TMOD1: variants seen among roughly 807,000 people sequenced by gnomAD.
The protein encoded by TMOD1 is tropomodulin-1.
TMOD1 carries 17 observed loss-of-function variants against 40.6 expected under a neutral mutation model. The ratio of observed to expected loss-of-function variants is 0.42; its 90% CI spans 0.29 to 0.63. The LOEUF is 0.63. Ranked by LOEUF, TMOD1 falls within the 20% of genes least tolerant of loss-of-function variation. The pLI is 0.22. For missense variants in TMOD1, 391 were observed against 447.6 expected (o/e 0.87, Z 1.14); for synonymous variants, 181 against 175.0 (o/e 1.03, Z -0.27).
chr9:97,564,743 G>A (rs1830700321), intron 6 of TMOD1, among the ~76,000 whole-genome samples: 1 of 152,158 alleles, frequency 6.6e-6, no homozygotes, highest in African/African-American at 2.4e-5. Flanking sequence ...GGGCAGGGGA[G>A]GGACAGGTGG....
At chr9:97,572,492 G>A (rs901398748) in intron 8 of TMOD1, among the ~76,000 whole-genome samples, 14 of 152,086 alleles carry the variant, frequency 9.2e-5, no homozygotes, top group East Asian at 1.9e-4. Flanking sequence ...AGTTGGGTCC[G>A]GCAGGGGAAG....
intron 8 of TMOD1, among the ~76,000 whole-genome samples, chr9:97,586,550 G>T (rs1175233952): frequency 6.6e-6 from 1 of 152,034 alleles, no homozygotes. Context: ...GAGCTTCCCG[G>T]CTGCTTTGTT....
chr9:97,564,310 G>A lies in TMOD1; in HGVS notation c.618+142G>A, dbSNP rs1345841038. On this transcript the variant is annotated intron_variant, in intron 6 of 9. Coordinates refer to ENST00000259365, the MANE Select transcript of TMOD1 (RefSeq NM_003275.4). ...CTGGGTGTTTCTGCATTGGGAATAGGGACAAAACCTTTGCAAATGGGAGCC... is the reference window on the plus strand; with the variant it reads ...CTGGGTGTTTCTGCATTGGGAATAGAGACAAAACCTTTGCAAATGGGAGCC... 7.9e-6 allele frequency: 9 copies of A among 1,140,406 alleles called. No individual in the cohort carries two copies. The African/African-American group carries it at 1.4e-4, about 18-fold the overall frequency. 70.6% of individuals were successfully genotyped at this position (1,140,406 alleles called of 1,614,324 possible). A position where few individuals can be genotyped will look rare whatever the true frequency, so the allele number is the denominator to read the frequency against.
At chr9:97,544,978 C>T (rs1830338350) in intron 2 of TMOD1, among the ~76,000 whole-genome samples, 1 of 149,690 alleles carries the variant, frequency 6.7e-6, no homozygotes, top group African/African-American at 2.5e-5. Context: ...CACTGCATTC[C>T]AGCCTGGGTG....
At chr9:97,584,727 GT>G (rs1474033079) in intron 8 of TMOD1, among the ~76,000 whole-genome samples, 9 of 152,120 alleles carry the variant, frequency 5.9e-5, no homozygotes, top group Non-Finnish European at 8.8e-5. Context: ...AGCTCTTCTT[GT>G]TGAATTGATC....
Position 97,553,324 on chromosome 9 carries a change from G to A in TMOD1, c.321G>A (p.Leu107=). 2 of 1,614,204 alleles carry A rather than the reference G, an allele frequency of 1.2e-6. No individual in the cohort carries two copies. Among genetic ancestry groups the A allele is most frequent in the Non-Finnish European group, 1.7e-6 (2 of 1,180,040 alleles). The change falls in exon 4 of 10, where the codon CTG becomes CTA. Residue 107 remains leucine (L), a synonymous_variant. Transcript: ENST00000259365. The part of the protein sequence containing the change: ...VPKQKPLDPV[L]ESVTLEPELE... ...AGCAGAAGCCACTGGATCCTGTGCT[G>A]GAAAGTGTGACGCTGGAACCGGAGC... is the stretch of plus-strand genomic sequence containing the variant.
chr9:97,518,396 C>A (rs1449371304), intron 1 of TMOD1, among the ~76,000 whole-genome samples: 3 of 152,270 alleles, frequency 2.0e-5, no homozygotes, highest in Non-Finnish European at 4.4e-5. Flanking sequence ...TGATTTCTGA[C>A]TTCTGCCTCC....
intron 8 of TMOD1, among the ~76,000 whole-genome samples, chr9:97,571,855 C>T (rs1244313041): frequency 6.6e-6 from 1 of 152,252 alleles, no homozygotes; most frequent in East Asian, 1.9e-4. Flanking sequence ...GTCAGCACCA[C>T]CCGCCATCCA....
At chr9:97,550,801 T>C (rs1830439116) in intron 3 of TMOD1, among the ~76,000 whole-genome samples, 1 of 151,988 alleles carries the variant, frequency 6.6e-6, no homozygotes, top group Admixed American at 6.6e-5. Context: ...TTTTTGAATA[T>C]TTTTCCCCTT....
chr9:97,516,475 G>A (rs2282065), intron 1 of TMOD1: 112,897 of 152,692 alleles, frequency 0.74, 41,979 homozygotes, highest in Middle Eastern at 0.81. Context: ...AGCAGTTGGA[G>A]CTTGGGAAGC....
intron 9 of TMOD1, among the ~76,000 whole-genome samples, chr9:97,598,397 T>C (rs991147000): frequency 2.0e-5 from 3 of 148,292 alleles, no homozygotes; most frequent in African/African-American, 7.5e-5. Context: ...GCAAGAAATA[T>C]ACCCTCTCTG....
At chr9:97,580,531 G>C (rs1256712083) in intron 8 of TMOD1, among the ~76,000 whole-genome samples, 1 of 152,024 alleles carries the variant, frequency 6.6e-6, no homozygotes, top group East Asian at 1.9e-4. Context: ...ACTTGAACCT[G>C]GGAGGCAGAG....
intron 9 of TMOD1, among the ~76,000 whole-genome samples, chr9:97,596,411 TCTTACATGGCA>T (rs1254860051): frequency 1.3e-5 from 2 of 152,202 alleles, no homozygotes; most frequent in Non-Finnish European, 2.9e-5. Context: ...AATAGCTGAC[TCTTACATGGCA>T]CTTACTGTGT....
chr9:97,546,388 T>C (rs751710012), intron 3 of TMOD1, 47 bp downstream of exon 3: 78 of 1,584,068 alleles, frequency 4.9e-5, no homozygotes, highest in Middle Eastern at 3.4e-4. Context: ...CCATGCACCA[T>C]TGAGTGCCGA....
At chr9:97,562,384 G>A (rs1160038108) in intron 4 of TMOD1, among the ~76,000 whole-genome samples, 1 of 152,110 alleles carries the variant, frequency 6.6e-6, no homozygotes, top group Non-Finnish European at 1.5e-5. Context: ...CACATTCCCT[G>A]ATGTTTTACC....
At chr9:97,590,400 A>G (rs1825977560) in intron 8 of TMOD1, among the ~76,000 whole-genome samples, 1 of 151,382 alleles carries the variant, frequency 6.6e-6, no homozygotes, top group Non-Finnish European at 1.5e-5. Flanking sequence ...TTTTTTTTGT[A>G]TTTTTAGTAG....
chr9:97,540,514 A>G (rs1830261374), intron 2 of TMOD1, among the ~76,000 whole-genome samples: 3 of 152,222 alleles, frequency 2.0e-5, no homozygotes, highest in Admixed American at 1.3e-4. Context: ...GAGGGCTTCA[A>G]CGTATGAGTT....
Position 97,599,926 on chromosome 9 carries a change from T to C in TMOD1, c.*228T>C. On this transcript the variant is annotated 3_prime_UTR_variant, in exon 10 of 10. Coordinates refer to ENST00000259365, the MANE Select transcript of TMOD1 (RefSeq NM_003275.4). The stretch of plus-strand genomic sequence containing the variant: ...ACAGAAGTTGAATCTGGTTATTATT[T>C]AAAAACTAGAAGCCCCCAAACCAGC... 1 of 1,301,774 alleles carries C rather than the reference T, an allele frequency of 7.7e-7. No homozygotes were observed. The highest frequency in any genetic ancestry group is 9.8e-7 in the Non-Finnish European group (1 of 1,018,170). 80.6% of individuals were successfully genotyped at this position (1,301,774 alleles called of 1,614,324 possible).
At chr9:97,575,211 G>A (rs1587953312) in intron 8 of TMOD1, among the ~76,000 whole-genome samples, 1 of 151,848 alleles carries the variant, frequency 6.6e-6, no homozygotes, top group Admixed American at 6.6e-5. Context: ...GAACCCACTG[G>A]GAGGAACAAA....
Sources: gnomAD v4.1 joint callset for allele counts (sites outside exome capture counted in the v4.1 genomes callset) on GRCh38, gnomAD v4.1.1 for gene constraint, MANE v1.5 for transcripts, NCBI Gene and HGNC (gene_info 2026-07-23, HGNC 2026-07-21) for gene names.